The following ACCSL variants were observed in gnomAD, a reference collection of about 807,000 sequenced individuals.
ACCSL encodes 1-aminocyclopropane-1-carboxylate synthase homolog (inactive) like.
ACCSL carries 55 observed loss-of-function variants against 61.7 expected under a neutral mutation model. That is an observed-to-expected ratio of 0.89 (90% CI 0.72 to 1.12). The LOEUF (loss-of-function observed/expected upper bound fraction) is 1.12. Ranked by LOEUF, ACCSL falls within the 50% of genes most tolerant of loss-of-function variation. The probability of loss-of-function intolerance (pLI) is 0.00; values close to 1 mark genes in which losing one functional copy is unlikely to be tolerated. For synonymous variants in ACCSL, 258 were observed against 264.3 expected (o/e 0.98, Z 0.23); for missense variants, 632 against 698.0 (o/e 0.91, Z 1.07).
the ACCSL span, among the ~76,000 whole-genome samples, chr11:43,965,736 T>C: frequency 3.9e-5 from 6 of 152,190 alleles, no homozygotes; most frequent in Non-Finnish European, 7.4e-5. Flanking sequence ...ATCAAAACAA[T>C]GTGGTACTAG....
At chr11:43,988,484 A>G in the ACCSL span, among the ~76,000 whole-genome samples, 2 of 150,798 alleles carry the variant, frequency 1.3e-5, no homozygotes, top group Non-Finnish European at 3.0e-5. Context: ...GAGAGGTTGC[A>G]TCATCGCATG....
In ACCSL at chr11:44,056,338, T is replaced by C; in HGVS notation, c.1327+12T>C. The C allele has an allele frequency of 6.2e-7, 1 of 1,610,820 alleles. No homozygotes were observed. The highest frequency in any genetic ancestry group is 8.5e-7 in the Non-Finnish European group (1 of 1,178,530). On this transcript the variant is annotated intron_variant, in intron 11 of 13. Transcript: ENST00000378832. ...GCTCCAGAACACAGGTACTGAGCTC[T>C]AGCACAGACCAGCATGTTGGCTGGA...
chr11:44,016,908 T>G, the ACCSL span, among the ~76,000 whole-genome samples: 1 of 152,274 alleles, frequency 6.6e-6, no homozygotes, highest in South Asian at 2.1e-4. Context: ...ATAAAATAGA[T>G]CTCTTATAGA....
At chr11:43,942,585 C>A in the ACCSL span, 3 of 315,106 alleles carry the variant, frequency 9.5e-6, no homozygotes, top group Admixed American at 4.6e-5. Context: ...GAGCTCAGAG[C>A]CGTGTGGGCA....
At chr11:44,036,831 G>A in the ACCSL span, among the ~76,000 whole-genome samples, 251 of 151,926 alleles carry the variant, frequency 1.7e-3, 1 homozygote, top group African/African-American at 5.7e-3. Context: ...GACGGGCCAG[G>A]GTCTTGCCAG....
the ACCSL span, among the ~76,000 whole-genome samples, chr11:43,946,318 G>A: frequency 6.6e-6 from 1 of 152,130 alleles, no homozygotes; most frequent in South Asian, 2.1e-4. Context: ...GGCTGGTCTT[G>A]AACTCCTGAC....
the ACCSL span, chr11:43,933,309 T>A: frequency 3.9e-3 from 1,474 of 382,638 alleles, 24 homozygotes; most frequent in African/African-American, 0.029. Flanking sequence ...GAGGGAGTAA[T>A]GTCAGATGGA....
intron 11 of ACCSL, among the ~76,000 whole-genome samples, chr11:44,056,798 T>G (rs1383098868): frequency 1.3e-5 from 2 of 152,050 alleles, no homozygotes; most frequent in Non-Finnish European, 2.9e-5. Flanking sequence ...CGCCATTGAC[T>G]CCAGTCTGGG....
the ACCSL span, among the ~76,000 whole-genome samples, chr11:43,965,829 T>C: frequency 6.6e-6 from 1 of 152,170 alleles, no homozygotes; most frequent in Non-Finnish European, 1.5e-5. Flanking sequence ...CTGATGAGGG[T>C]ATCAAGACCA....
chr11:43,936,888 C>A, the ACCSL span, among the ~76,000 whole-genome samples: 21 of 152,230 alleles, frequency 1.4e-4, no homozygotes, highest in Non-Finnish European at 2.4e-4. Flanking sequence ...CCACCCCCCC[C>A]TCCTGCCCTC....
chr11:44,051,136 C>T (rs926526465), intron 3 of ACCSL, among the ~76,000 whole-genome samples, 199 bp from the exon 4 acceptor site: 5 of 152,192 alleles, frequency 3.3e-5, no homozygotes, highest in African/African-American at 7.2e-5. Flanking sequence ...CCACTGTGCC[C>T]GGCCAAGGCC....
At chr11:44,008,173 C>T in the ACCSL span, among the ~76,000 whole-genome samples, 1 of 152,148 alleles carries the variant, frequency 6.6e-6, no homozygotes, top group Non-Finnish European at 1.5e-5. Flanking sequence ...GATGATTCAC[C>T]TTCTAAGGCT....
chr11:44,057,226 CACTT>C (rs1374548186), intron 11 of ACCSL, among the ~76,000 whole-genome samples: 1 of 152,202 alleles, frequency 6.6e-6, no homozygotes, highest in East Asian at 1.9e-4. Flanking sequence ...CTTAGAGACT[CACTT>C]TCTTTAGTTC....
At chr11:43,978,990 G>T in the ACCSL span, among the ~76,000 whole-genome samples, 1 of 151,876 alleles carries the variant, frequency 6.6e-6, no homozygotes, top group African/African-American at 2.4e-5. Flanking sequence ...AATTATTGTT[G>T]TTATTGTTCT....
chr11:43,996,813 CTT>C, the ACCSL span, among the ~76,000 whole-genome samples: 102,662 of 127,692 alleles, frequency 0.8, 40,885 homozygotes, highest in African/African-American at 0.84. Context: ...ACCTTTTTTC[CTT>C]TTTTTTTTTT....
At chr11:43,956,633 C>G in the ACCSL span, among the ~76,000 whole-genome samples, 1 of 152,182 alleles carries the variant, frequency 6.6e-6, no homozygotes, top group Non-Finnish European at 1.5e-5. Flanking sequence ...GTTAGCCAGG[C>G]TGGTCTCAAT....
the ACCSL span, among the ~76,000 whole-genome samples, chr11:43,991,548 C>CT: frequency 6.6e-6 from 1 of 152,162 alleles, no homozygotes; most frequent in Admixed American, 6.5e-5. Flanking sequence ...AATCCCAGCA[C>CT]TTTGGGAGGC....
the ACCSL span, among the ~76,000 whole-genome samples, chr11:44,023,041 C>CTTTTTTTTT: frequency 1.4e-3 from 118 of 86,394 alleles, 1 homozygote; most frequent in South Asian, 1.9e-3. Context: ...TCTTCTTCTT[C>CTTTTTTTTT]TTTTTTTTTT....
the ACCSL span, chr11:43,947,296 T>C: frequency 6.6e-6 from 1 of 152,334 alleles, no homozygotes; most frequent in Non-Finnish European, 1.5e-5. Flanking sequence ...CCCAAACGCT[T>C]CTGACCAGGC....
Sources: allele counts gnomAD v4.1 joint callset (sites outside exome capture counted in the v4.1 genomes callset), GRCh38; gene constraint gnomAD v4.1.1; transcripts MANE v1.5; gene names NCBI Gene and HGNC (gene_info 2026-07-23, HGNC 2026-07-21).